The following TNFRSF10D variants were observed in gnomAD, a reference collection of about 807,000 sequenced individuals.
The protein encoded by TNFRSF10D is tumor necrosis factor receptor superfamily member 10D.
In TNFRSF10D, 28 loss-of-function variants were observed where a neutral mutation model predicts 42.1. That is an observed-to-expected ratio of 0.66 (90% CI 0.49 to 0.91). TNFRSF10D has a LOEUF of 0.91. Ranked by LOEUF, TNFRSF10D falls within the 40% of genes least tolerant of loss-of-function variation. The pLI is 0.00. For missense variants in TNFRSF10D, 503 were observed against 486.1 expected, an observed-to-expected ratio of 1.03 and a Z score of -0.33; for synonymous variants, 186 against 189.4, an observed-to-expected ratio of 0.98 and a Z score of 0.15.
intron 3 of TNFRSF10D, among the ~76,000 whole-genome samples, chr8:23,147,478 C>T (rs886339803): frequency 9.9e-5 from 15 of 152,192 alleles, no homozygotes; most frequent in Admixed American, 9.8e-4. Context: ...GAGCACAGAG[C>T]CCGGGAGGAG....
At position 23,135,777 on chromosome 8, in the gene TNFRSF10D, G is replaced by T. The variant is rs1333210900; in HGVS notation, c.*2093C>A. On this transcript the variant is annotated 3_prime_UTR_variant, in exon 9 of 9. Coordinates refer to ENST00000312584, the MANE Select transcript of TNFRSF10D (RefSeq NM_003840.5). ...AAGGAATAAGCTTAAACACTGATAA[G>T]GCTGGTAGTCTAGATGCATCTTCAA... 1.4e-5 allele frequency: 6 copies of T among 417,144 alleles called. No homozygotes were observed. The highest frequency in any genetic ancestry group is 7.9e-4 in the Middle Eastern group (1 of 1,270). The allele number at this position is 417,144 out of a possible 1,614,324, so 25.8% of individuals were successfully genotyped here.
At chr8:23,147,457 G>A (rs1585260609) in intron 3 of TNFRSF10D, among the ~76,000 whole-genome samples, 1 of 152,326 alleles carries the variant, frequency 6.6e-6, no homozygotes, top group African/African-American at 2.4e-5. Flanking sequence ...GTGAGGCCAA[G>A]CACCTTTCAG....
chr8:23,161,003 AAGGCCAGGG>A (rs1800359433), intron 1 of TNFRSF10D, among the ~76,000 whole-genome samples: 1 of 152,174 alleles, frequency 6.6e-6, no homozygotes, highest in African/African-American at 2.4e-5. Context: ...CTTCTGCCCC[AAGGCCAGGG>A]AGCCTGGTAT....
chr8:23,140,241 A>G (rs1181577198), intron 7 of TNFRSF10D, among the ~76,000 whole-genome samples: 2 of 152,250 alleles, frequency 1.3e-5, no homozygotes, highest in South Asian at 2.1e-4. Flanking sequence ...GTGAGCTGAG[A>G]TCGCGCCACT....
At chr8:23,141,454 G>A (rs1399155735) in intron 7 of TNFRSF10D, among the ~76,000 whole-genome samples, 395 of 149,932 alleles carry the variant, frequency 2.6e-3, no homozygotes, top group African/African-American at 8.4e-3. Flanking sequence ...GCAGTGAGCT[G>A]AGATCATGCC....
chr8:23,148,586 C>T (rs1800162388), intron 2 of TNFRSF10D, 35 bp from the exon 3 acceptor site: 1 of 1,502,818 alleles, frequency 6.7e-7, no homozygotes, highest in South Asian at 1.1e-5. Flanking sequence ...GAATGAGTCA[C>T]CACAGAATTC....
intron 7 of TNFRSF10D, among the ~76,000 whole-genome samples, chr8:23,139,571 A>G (rs906792523): frequency 2.0e-5 from 3 of 152,218 alleles, no homozygotes; most frequent in African/African-American, 7.2e-5. Context: ...CACAGCCAAC[A>G]TCATACTGAA....
intron 6 of TNFRSF10D, 94 bp from the exon 7 acceptor site, chr8:23,144,729 C>G: frequency 6.9e-7 from 1 of 1,448,114 alleles, no homozygotes; most frequent in East Asian, 2.4e-5. Flanking sequence ...CAACCCCTTC[C>G]AATGAGGTCA....
intron 1 of TNFRSF10D, among the ~76,000 whole-genome samples, chr8:23,158,120 C>T (rs761014715): frequency 2.0e-5 from 3 of 152,058 alleles, no homozygotes; most frequent in Non-Finnish European, 4.4e-5. Context: ...TCAAGTTGTA[C>T]TTTCCTTCTT....
chr8:23,159,707 C>T (rs1270993721), intron 1 of TNFRSF10D, among the ~76,000 whole-genome samples: 2 of 152,050 alleles, frequency 1.3e-5, no homozygotes, highest in African/African-American at 4.8e-5. Context: ...ACTAAAAATA[C>T]AAAAATTAGC....
Position 23,136,415 on chromosome 8 carries a change from G to A in TNFRSF10D, c.*1455C>T. ...AATCTCTGCCCTAAAAGGCATCCCA[G>A]GGACTCAGTTCACAGACCACCAGAA... On this transcript the variant is annotated 3_prime_UTR_variant, in exon 9 of 9. Transcript: ENST00000312584. The A allele has an allele frequency of 5.4e-6, 1 of 185,904 alleles. No individual in the cohort carries two copies. The highest frequency in any genetic ancestry group is 1.1e-5 in the Non-Finnish European group (1 of 89,432). The allele number at this position is 185,904 out of a possible 1,614,324, so 11.5% of individuals were successfully genotyped here.
At chr8:23,145,323 G>A (rs1401697398) in intron 5 of TNFRSF10D, among the ~76,000 whole-genome samples, 17 of 152,214 alleles carry the variant, frequency 1.1e-4, no homozygotes, top group Admixed American at 1.0e-3. Flanking sequence ...TCTGACCAAG[G>A]CTGAATAAAT....
At chr8:23,152,738 GAC>G (rs1477767802) in intron 2 of TNFRSF10D, among the ~76,000 whole-genome samples, 1 of 152,192 alleles carries the variant, frequency 6.6e-6, no homozygotes, top group Non-Finnish European at 1.5e-5. Context: ...TAAATGGAAA[GAC>G]AGTACATGTT....
In TNFRSF10D at chr8:23,137,700, A is replaced by G; in HGVS notation, c.*170T>C. On this transcript the variant is annotated 3_prime_UTR_variant, in exon 9 of 9. Coordinates refer to ENST00000312584, the MANE Select transcript of TNFRSF10D (RefSeq NM_003840.5). ...TTATCACACGCAGTATTTCATAAAA[A>G]TTACTCCAAGTGCGTTAACAAAGTT... 1.3e-6 allele frequency: 1 copy of G among 765,650 alleles called. No individual in the cohort carries two copies. Among genetic ancestry groups the G allele is most frequent in the Admixed American group, 3.3e-5 (1 of 30,524 alleles). The allele number at this position is 765,650 out of a possible 1,614,324, so 47.4% of individuals were successfully genotyped here. A position where few individuals can be genotyped will look rare whatever the true frequency, so the allele number is the denominator to read the frequency against.
At chr8:23,155,704 A>C (rs1056380559) in intron 1 of TNFRSF10D, among the ~76,000 whole-genome samples, 19 of 152,070 alleles carry the variant, frequency 1.2e-4, no homozygotes, top group South Asian at 4.1e-4. Flanking sequence ...TGTCTCAAAA[A>C]AAAAAACAAA....
intron 7 of TNFRSF10D, among the ~76,000 whole-genome samples, chr8:23,140,757 T>C (rs1814450657): frequency 6.6e-6 from 1 of 152,230 alleles, no homozygotes; most frequent in Non-Finnish European, 1.5e-5. Flanking sequence ...GCACACGCTC[T>C]CTTGCCTGTC....
At chr8:23,144,326 C>T in intron 7 of TNFRSF10D, 124 bp downstream of exon 7, 1 of 1,148,280 alleles carries the variant, frequency 8.7e-7, no homozygotes, top group Non-Finnish European at 1.2e-6. Context: ...CCCTGCAGTC[C>T]CCTGTCTCCC....
chr8:23,145,517 C>T (rs1248661199), intron 5 of TNFRSF10D, 151 bp downstream of exon 5: 12 of 1,191,030 alleles, frequency 1.0e-5, no homozygotes, highest in African/African-American at 1.5e-5. Flanking sequence ...ATACACAGGA[C>T]GTGGGGATGG....
At chr8:23,148,288 T>G (rs1800154883) in intron 3 of TNFRSF10D, 150 bp downstream of exon 3, 1 of 348,612 alleles carries the variant, frequency 2.9e-6, no homozygotes, top group Admixed American at 4.6e-5. Context: ...CTATTTTTTT[T>G]TTTTAATCAA....
Sources: allele counts gnomAD v4.1 joint callset (sites outside exome capture counted in the v4.1 genomes callset), GRCh38; gene constraint gnomAD v4.1.1; transcripts MANE v1.5; gene names NCBI Gene and HGNC (gene_info 2026-07-23, HGNC 2026-07-21).